FH: variants seen among roughly 807,000 people sequenced by gnomAD.
FH encodes fumarate hydratase, mitochondrial.
In FH, 22 loss-of-function variants were observed where a neutral mutation model predicts 49.4. That is an observed-to-expected ratio of 0.45 (90% CI 0.32 to 0.64). The LOEUF (loss-of-function observed/expected upper bound fraction) is 0.64. Ranked by LOEUF, FH falls within the 30% of genes least tolerant of loss-of-function variation. FH has a pLI of 0.05. For missense variants in FH, 526 were observed against 641.5 expected (o/e 0.82, Z 1.95); for synonymous variants, 208 against 223.0 (o/e 0.93, Z 0.60).
At position 241,500,557 on chromosome 1, in the gene FH, C is replaced by T. The variant is rs1553340705; in HGVS notation, c.1270G>A (p.Gly424Arg). 3 of 1,611,828 alleles carry T rather than the reference C, an allele frequency of 1.9e-6. No individual in the cohort carries two copies. Among genetic ancestry groups the T allele is most frequent in the Non-Finnish European group, 1.7e-6 (2 of 1,179,538 alleles). Residue 424 changes from glycine to arginine, a missense_variant, in exon 9 of 10, where the codon GGG becomes AGG. Physicochemically the swap from Gly to Arg is moderately radical, Grantham distance 125. Transcript: ENST00000366560. ...KNVLHSARLL[G>R]DASVSFTENC... ...TCTGTAAAGGAAACTGAAGCATCCC[C>T]CAGCAGCCTGGCTGAGTGTAACACA...
chr1:241,506,309 TCAAA>T, intron 5 of FH, 141 bp from the exon 6 acceptor site: 1 of 673,650 alleles, frequency 1.5e-6, no homozygotes. Flanking sequence ...TTATACTACT[TCAAA>T]TCTTATGATG....
At chr1:241,516,597 T>C (rs770405232) in intron 2 of FH, among the ~76,000 whole-genome samples, 2 of 152,166 alleles carry the variant, frequency 1.3e-5, no homozygotes, top group Non-Finnish European at 2.9e-5. Context: ...ATGGCACACA[T>C]TTACCTATGC....
intron 4 of FH, among the ~76,000 whole-genome samples, chr1:241,509,446 G>C (rs370167048): frequency 6.6e-6 from 1 of 152,144 alleles, no homozygotes; most frequent in Admixed American, 6.5e-5. Flanking sequence ...TATACTCAGT[G>C]CTCTTTCCTC....
In FH at chr1:241,497,661, C is replaced by T. The variant is rs1187495143; in HGVS notation, c.*167G>A. On this transcript the variant is annotated 3_prime_UTR_variant, in exon 10 of 10. Coordinates refer to ENST00000366560, the MANE Select transcript of FH (RefSeq NM_000143.4). Reference sequence around the variant, plus strand: ...TATTTTATTTTATACTTGTTTAATCCATCTTAGACCTAGCACATCCTAGGG... The same window carrying T: ...TATTTTATTTTATACTTGTTTAATCTATCTTAGACCTAGCACATCCTAGGG... 31 of 538,692 alleles carry T rather than the reference C, an allele frequency of 5.8e-5. No homozygotes were observed. Among genetic ancestry groups the T allele is most frequent in the East Asian group, 1.5e-4 (5 of 34,212 alleles). The allele number at this position is 538,692 out of a possible 1,614,324, so 33.4% of individuals were successfully genotyped here. A position where few individuals can be genotyped will look rare whatever the true frequency, so the allele number is the denominator to read the frequency against.
rs764648497 is a variant in FH at position 241,506,110 on chromosome 1, A to G, written c.797T>C (p.Met266Thr). 5 of 1,613,874 alleles carry G rather than the reference A, an allele frequency of 3.1e-6. No homozygotes were observed. In the East Asian group the frequency reaches 8.9e-5, roughly 29 times the overall value. ...AGCTGCGAGCTCATAGATTCTTGGC[A>G]TGGCAGCTTTTATTCTTGTCATTGC... ...KYAMTRIKAA[M>T]PRIYELAAGG... is the part of the protein sequence containing the mutation. The change falls in exon 6 of 10, where the codon ATG (methionine) becomes ACG (threonine). Residue 266 changes from methionine (M) to threonine (T), a missense_variant. Physicochemically the swap from Met to Thr is moderately conservative, Grantham distance 81. Coordinates refer to ENST00000366560, the MANE Select transcript of FH (RefSeq NM_000143.4).
At chr1:241,509,603 C>T (rs1027234374) in intron 4 of FH, among the ~76,000 whole-genome samples, 18 of 152,276 alleles carry the variant, frequency 1.2e-4, no homozygotes, top group Non-Finnish European at 2.2e-4. Flanking sequence ...GAGCAATACC[C>T]TGTCTCTGAA....
chr1:241,512,669 G>C (rs1416138180), intron 3 of FH, among the ~76,000 whole-genome samples: 1 of 152,038 alleles, frequency 6.6e-6, no homozygotes, highest in South Asian at 2.1e-4. Context: ...GTAAAATATG[G>C]GTGGTTAACA....
intron 4 of FH, among the ~76,000 whole-genome samples, chr1:241,509,390 C>A (rs1660018809): frequency 6.6e-6 from 1 of 152,046 alleles, no homozygotes; most frequent in Non-Finnish European, 1.5e-5. Flanking sequence ...TGTATAAATG[C>A]CAAAATATTT....
chr1:241,512,348 T>A (rs1660109825), intron 3 of FH, among the ~76,000 whole-genome samples: 1 of 152,190 alleles, frequency 6.6e-6, no homozygotes, highest in Admixed American at 6.5e-5. Flanking sequence ...ATCAAAGGTA[T>A]CTTTCTTATC....
In FH at chr1:241,513,632, CA is replaced by C; in HGVS notation, c.348del (p.Ile116MetfsTer5). 1 of 1,614,052 alleles carries C rather than the reference CA, an allele frequency of 6.2e-7. No homozygotes were observed. The highest frequency in any genetic ancestry group is 8.5e-7 in the Non-Finnish European group (1 of 1,179,946). The part of the protein sequence containing the change: ...VNQDYGLDPK[I>X]ANAIMKAADE... ...TCTGCTGCCTTCATTATTGCATTAG[CA>C]ATCTTTGGATCAAGACCATAATCCT... On this transcript the variant is annotated frameshift_variant, in exon 3 of 10. Transcript: ENST00000366560. LOFTEE classifies it high-confidence loss of function.
intron 4 of FH, among the ~76,000 whole-genome samples, chr1:241,510,078 A>C (rs1316577699): frequency 6.6e-6 from 1 of 152,184 alleles, no homozygotes; most frequent in Admixed American, 6.5e-5. Flanking sequence ...ATAGAACATA[A>C]ATTCATAAAG....
At chr1:241,501,602 C>T (rs1263794934) in intron 8 of FH, among the ~76,000 whole-genome samples, 29 of 152,042 alleles carry the variant, frequency 1.9e-4, no homozygotes, top group Admixed American at 1.8e-3. Context: ...GAAAATGGTA[C>T]TCAATAAATA....
intron 1 of FH, 155 bp downstream of exon 1, chr1:241,519,436 G>A: frequency 1.1e-6 from 1 of 908,066 alleles, no homozygotes; most frequent in Non-Finnish European, 1.6e-6. Flanking sequence ...CCGAGGCCGG[G>A]AGGCCCGCCA....
At chr1:241,502,332 C>T (rs1659801276) in intron 8 of FH, 111 bp downstream of exon 8, 5 of 1,228,074 alleles carry the variant, frequency 4.1e-6, no homozygotes, top group Non-Finnish European at 5.9e-6. Context: ...CCAACTGCTA[C>T]TTATGTCACC....
chr1:241,500,904 G>C (rs932527253), intron 8 of FH, among the ~76,000 whole-genome samples: 14 of 152,176 alleles, frequency 9.2e-5, no homozygotes, highest in African/African-American at 3.1e-4. Flanking sequence ...CATAGAGAAA[G>C]AGAAATTAAC....
rs149137646 is a variant in FH, at chr1:241,499,921, A to G, written c.1390+516T>C. On this transcript the variant is annotated intron_variant, in intron 9 of 9. Coordinates refer to ENST00000366560, the MANE Select transcript of FH (RefSeq NM_000143.4). ...AATACAATAGCATGGTTTTAGACAAAATATTTGCATTTTCCTTCCTCCCTT... is the reference window on the plus strand; with the variant it reads ...AATACAATAGCATGGTTTTAGACAAGATATTTGCATTTTCCTTCCTCCCTT... 4.9e-3 allele frequency among the ~76,000 whole-genome samples: 742 copies of G among 152,326 alleles called. 9 individuals carry two copies. Among genetic ancestry groups the G allele is most frequent in the African/African-American group, 0.017 (696 of 41,572 alleles).
chr1:241,503,211 T>C (rs1284855319), intron 7 of FH, among the ~76,000 whole-genome samples: 1 of 152,212 alleles, frequency 6.6e-6, no homozygotes, highest in Admixed American at 6.5e-5. Flanking sequence ...CTCTTTCTTT[T>C]GGCAATCACC....
chr1:241,505,945 T>C, intron 6 of FH, 58 bp downstream of exon 6: 1 of 1,492,168 alleles, frequency 6.7e-7, no homozygotes, highest in Non-Finnish European at 9.3e-7. Context: ...ACTCAGAAAA[T>C]GTACAGACCA....
intron 4 of FH, among the ~76,000 whole-genome samples, chr1:241,511,281 GC>G (rs1253675539): frequency 2.0e-5 from 3 of 152,114 alleles, no homozygotes; most frequent in Admixed American, 6.5e-5. Context: ...CAAAAAGTGG[GC>G]CCCCACCAAG....
Sources: allele counts gnomAD v4.1 joint callset (sites outside exome capture counted in the v4.1 genomes callset), GRCh38; gene constraint gnomAD v4.1.1; transcripts MANE v1.5; gene names NCBI Gene and HGNC (gene_info 2026-07-23, HGNC 2026-07-21).